DMRT1: variants seen among roughly 807,000 people sequenced by gnomAD.
DMRT1 encodes doublesex and mab-3 related transcription factor 1, also known as doublesex- and mab-3-related transcription factor 1.
A neutral mutation model predicts 32.3 loss-of-function variants in DMRT1; 7 were observed. The observed-to-expected ratio is 0.22, with a 90% CI of 0.12 to 0.41. The LOEUF (loss-of-function observed/expected upper bound fraction) is 0.41, where lower values mean the gene tolerates loss of function less well. Ranked by LOEUF, DMRT1 falls within the 10% of genes least tolerant of loss-of-function variation. The pLI, the probability that DMRT1 is intolerant of heterozygous loss-of-function variation, is 1.00. For synonymous variants in DMRT1, 278 were observed against 206.1 expected, an observed-to-expected ratio of 1.35 and a Z score of -2.99; for missense variants, 625 against 500.5, an observed-to-expected ratio of 1.25 and a Z score of -2.37.
intron 2 of DMRT1, among the ~76,000 whole-genome samples, chr9:885,598 G>A (rs562668617): frequency 8.5e-5 from 13 of 152,096 alleles, no homozygotes; most frequent in African/African-American, 2.9e-4. Flanking sequence ...CAATCTACTC[G>A]TCTCAATGCC....
intron 2 of DMRT1, among the ~76,000 whole-genome samples, chr9:861,863 G>T (rs1468073777): frequency 5.3e-5 from 8 of 151,408 alleles, no homozygotes; most frequent in Non-Finnish European, 8.9e-5. Context: ...CCTCCCAGAC[G>T]GGGTCGCGGC....
intron 2 of DMRT1, among the ~76,000 whole-genome samples, chr9:849,854 G>C (rs1160426285): frequency 6.6e-6 from 1 of 151,050 alleles, no homozygotes; most frequent in Non-Finnish European, 1.5e-5. Flanking sequence ...ACAGAGTTTT[G>C]CTCTTGTTGC....
chr9:900,226 C>T (rs1009740881), intron 3 of DMRT1, among the ~76,000 whole-genome samples: 17 of 152,262 alleles, frequency 1.1e-4, no homozygotes, highest in African/African-American at 4.1e-4. Context: ...AAAAGTGCCC[C>T]CTTGTGAGTG....
chr9:869,092 C>G (rs1816117918), intron 2 of DMRT1, among the ~76,000 whole-genome samples: 1 of 152,136 alleles, frequency 6.6e-6, no homozygotes, highest in Admixed American at 6.5e-5. Flanking sequence ...CTTGGTAAAA[C>G]TCTGATATAG....
At chr9:901,057 C>G (rs1032669293) in intron 3 of DMRT1, among the ~76,000 whole-genome samples, 1 of 152,000 alleles carries the variant, frequency 6.6e-6, no homozygotes, top group East Asian at 1.9e-4. Context: ...CTCTCTCACC[C>G]AGGCCAGAGT....
chr9:871,600 C>T (rs1589479214), intron 2 of DMRT1, among the ~76,000 whole-genome samples: 1 of 143,358 alleles, frequency 7.0e-6, no homozygotes, highest in Non-Finnish European at 1.5e-5. Context: ...CTCTGCCTCC[C>T]AAAGTGCTGG....
chr9:861,748 A>G (rs1815694603), intron 2 of DMRT1, among the ~76,000 whole-genome samples: 1 of 143,304 alleles, frequency 7.0e-6, no homozygotes, highest in African/African-American at 2.7e-5. Context: ...CACCTCCTGG[A>G]CGGGGCGGCT....
At chr9:962,517 G>A (rs554223048) in intron 4 of DMRT1, among the ~76,000 whole-genome samples, 4 of 136,874 alleles carry the variant, frequency 2.9e-5, no homozygotes, top group African/African-American at 1.1e-4. Context: ...GGACCCACCA[G>A]CTTTCTATGC....
rs535353406 is a variant in DMRT1, at chr9:966,716, C to T, written c.968-1269C>T. On this transcript the variant is annotated intron_variant, in intron 4 of 4. Coordinates refer to ENST00000382276, the MANE Select transcript of DMRT1 (RefSeq NM_021951.3). ...AGCTGCAGCAAACCTTTTCCAAACC[C>T]GTAACGAGTGTAAATAGTGTTCAGT... Among the ~76,000 whole-genome samples the T allele has an allele frequency of 5.3e-5, 8 of 152,258 alleles. 1 individual carries two copies. The South Asian group carries it at 1.4e-3, about 28-fold the overall frequency.
chr9:940,562 A>G (rs1819031226), intron 4 of DMRT1, among the ~76,000 whole-genome samples: 1 of 152,204 alleles, frequency 6.6e-6, no homozygotes, highest in Non-Finnish European at 1.5e-5. Context: ...AAATGGATCA[A>G]AGACCTAAAT....
intron 2 of DMRT1, among the ~76,000 whole-genome samples, chr9:873,393 C>T (rs1816358511): frequency 6.6e-6 from 1 of 151,902 alleles, no homozygotes; most frequent in South Asian, 2.1e-4. Flanking sequence ...ATAACCTCCA[C>T]CTCCCGGGTT....
chr9:861,713 G>A (rs563860187), intron 2 of DMRT1, among the ~76,000 whole-genome samples: 12 of 143,032 alleles, frequency 8.4e-5, no homozygotes, highest in East Asian at 4.4e-4. Context: ...CAGACGGGGC[G>A]GCTGGCCGGG....
chr9:944,735 A>G (rs962173709), intron 4 of DMRT1, among the ~76,000 whole-genome samples: 2 of 152,174 alleles, frequency 1.3e-5, no homozygotes, highest in Non-Finnish European at 2.9e-5. Context: ...GTTGTGTTTG[A>G]TTCCAAATAC....
intron 2 of DMRT1, among the ~76,000 whole-genome samples, chr9:876,462 G>A (rs991065834): frequency 1.3e-5 from 2 of 151,830 alleles, no homozygotes; most frequent in African/African-American, 4.8e-5. Context: ...CCATGTGAGT[G>A]CTTAAAGTTA....
intron 4 of DMRT1, among the ~76,000 whole-genome samples, chr9:919,517 C>T (rs1818289243): frequency 6.6e-6 from 1 of 152,110 alleles, no homozygotes; most frequent in Admixed American, 6.5e-5. Context: ...TTCCTTCTTT[C>T]CTTATCCTGA....
chr9:916,652 A>C (rs1210152071), intron 3 of DMRT1, 111 bp from the exon 4 acceptor site: 1 of 1,350,938 alleles, frequency 7.4e-7, no homozygotes, highest in Non-Finnish European at 1.1e-6. Flanking sequence ...GAACATAGGC[A>C]TGAGCCACTG....
Position 855,762 on chromosome 9 carries a change from C to T in DMRT1, c.538+8619C>T, listed in dbSNP as rs377507236. 1.8e-4 allele frequency among the ~76,000 whole-genome samples: 28 copies of T among 152,278 alleles called. No individual in the cohort carries two copies. In the South Asian group the frequency reaches 5.0e-3, roughly 27 times the overall value. ...GTCCCCAAGTACCTTGGACTACAGGCACGTGCCACCACTCCTGGCTCATTT... is the reference window on the plus strand; with the variant it reads ...GTCCCCAAGTACCTTGGACTACAGGTACGTGCCACCACTCCTGGCTCATTT... On this transcript the variant is annotated intron_variant, in intron 2 of 4. Transcript: ENST00000382276.
chr9:913,841 C>T (rs906482087), intron 3 of DMRT1, among the ~76,000 whole-genome samples: 1 of 152,056 alleles, frequency 6.6e-6, no homozygotes, highest in Non-Finnish European at 1.5e-5. Context: ...TGCAGTGAGC[C>T]GAGATTGTGC....
At position 859,019 on chromosome 9, in the gene DMRT1, A is replaced by C. The variant is rs143634419; in HGVS notation, c.538+11876A>C. ...ACAGAAACTCTGTACCCATTAAACG[A>C]TTATTTCCCATTTACCCCTCTCATG... On this transcript the variant is annotated intron_variant, in intron 2 of 4. Coordinates refer to ENST00000382276, the MANE Select transcript of DMRT1 (RefSeq NM_021951.3). 3.4e-4 allele frequency among the ~76,000 whole-genome samples: 52 copies of C among 152,104 alleles called. 1 individual carries two copies. In the East Asian group the frequency reaches 9.5e-3, roughly 28 times the overall value.
Sources: allele counts gnomAD v4.1 joint callset (sites outside exome capture counted in the v4.1 genomes callset), GRCh38; gene constraint gnomAD v4.1.1; transcripts MANE v1.5; gene names NCBI Gene and HGNC (gene_info 2026-07-23, HGNC 2026-07-21).